SPRY2: variants seen among roughly 807,000 people sequenced by gnomAD.
SPRY2 encodes the protein protein sprouty homolog 2.
A neutral mutation model predicts 23.4 loss-of-function variants in SPRY2; 10 were observed. The ratio of observed to expected loss-of-function variants is 0.43; its 90% CI spans 0.26 to 0.73. The LOEUF (loss-of-function observed/expected upper bound fraction) is 0.73, where lower values mean the gene tolerates loss of function less well. SPRY2 is among the 30% of genes least tolerant of loss of function. The probability of loss-of-function intolerance (pLI) is 0.22; values close to 1 mark genes in which losing one functional copy is unlikely to be tolerated. For synonymous variants in SPRY2, 170 were observed against 156.9 expected (o/e 1.08, Z -0.62); for missense variants, 344 against 396.9 (o/e 0.87, Z 1.13).
rs869025336 is a variant in SPRY2, at chr13:80,337,351, G to T, written c.355C>A (p.Arg119=). ...RSISTVSSGS[R]SSTRTSTSSS... is the part of the protein sequence containing the mutation. ...CTGGTACTTGTCCTCGTACTGCTCCGCGACCCTGAGCTGACCGTGCTTATG... is the reference window on the plus strand; with the variant it reads ...CTGGTACTTGTCCTCGTACTGCTCCTCGACCCTGAGCTGACCGTGCTTATG... The change falls in exon 2 of 2, where the codon CGG becomes AGG. Residue 119 remains arginine, a synonymous_variant. Coordinates refer to ENST00000377104, the MANE Select transcript of SPRY2 (RefSeq NM_005842.4). 1 of 1,614,016 alleles carries T rather than the reference G, an allele frequency of 6.2e-7. No individual in the cohort carries two copies. Among genetic ancestry groups the T allele is most frequent in the African/African-American group, 1.3e-5 (1 of 74,908 alleles).
rs533577631 is a variant in SPRY2 at position 80,340,652 on chromosome 13, C to A, written c.-82G>T. The A allele has an allele frequency of 3.9e-5, 6 of 152,418 alleles. No homozygotes were observed. Among genetic ancestry groups the A allele is most frequent in the Admixed American group, 3.3e-4 (5 of 15,312 alleles). 9.4% of individuals were successfully genotyped at this position (152,418 alleles called of 1,614,324 possible). On this transcript the variant is annotated 5_prime_UTR_variant, in exon 1 of 2. Coordinates refer to ENST00000377104, the MANE Select transcript of SPRY2 (RefSeq NM_005842.4). ...TCGCGGCTTTGCACCAACCCCTCTC[C>A]CTTGGATTCTCTTCTTTCTGCGATG... is the stretch of plus-strand genomic sequence containing the variant.
At chr13:80,339,315 C>T (rs1880416203) in intron 1 of SPRY2, 1 of 152,184 alleles carries the variant, frequency 6.6e-6, no homozygotes, top group Admixed American at 6.5e-5. Context: ...CGACTCCACG[C>T]TGCACTGACC....
At chr13:80,338,121 C>T (rs1198067385) in intron 1 of SPRY2, among the ~76,000 whole-genome samples, 2 of 152,154 alleles carry the variant, frequency 1.3e-5, no homozygotes, top group African/African-American at 4.8e-5. Context: ...AGTTGAAAAT[C>T]CTTTCAAAAT....
Position 80,337,491 on chromosome 13 carries a change from C to G in SPRY2, c.215G>C (p.Arg72Pro). 6.2e-7 allele frequency: 1 copy of G among 1,614,124 alleles called. No individual in the cohort carries two copies. Among genetic ancestry groups the G allele is most frequent in the African/African-American group, 1.3e-5 (1 of 75,026 alleles). Residue 72 changes from arginine to proline, a missense_variant, in exon 2 of 2, where the codon CGC becomes CCC. Physicochemically the swap from Arg to Pro is moderately radical, Grantham distance 103. Coordinates refer to ENST00000377104, the MANE Select transcript of SPRY2 (RefSeq NM_005842.4). ...VPRPGLKPAPRPSTQHKHERL... is the reference protein window; with the variant it reads ...VPRPGLKPAPPPSTQHKHERL... ...CTCGTGTTTGTGCTGAGTGGAGGGG[C>G]GAGGAGCAGGCTTGAGCCCAGGTCT... is the stretch of plus-strand genomic sequence containing the variant.
chr13:80,340,806 C>G lies in SPRY2; in HGVS notation c.-236G>C, dbSNP rs1183153026. The G allele has an allele frequency of 1.3e-5, 2 of 152,266 alleles. No individual in the cohort carries two copies. The highest frequency in any genetic ancestry group is 2.1e-4 in the South Asian group (1 of 4,836). 9.4% of individuals were successfully genotyped at this position (152,266 alleles called of 1,614,324 possible). A position where few individuals can be genotyped will look rare whatever the true frequency, so the allele number is the denominator to read the frequency against. ...GCCAGATTCCCCGCTGATGAACACTCCGGGGTTCGGAGCTGGAGACGACTC... is the reference window on the plus strand; with the variant it reads ...GCCAGATTCCCCGCTGATGAACACTGCGGGGTTCGGAGCTGGAGACGACTC... On this transcript the variant is annotated 5_prime_UTR_variant, in exon 1 of 2. Coordinates refer to ENST00000377104, the MANE Select transcript of SPRY2 (RefSeq NM_005842.4).
At chr13:80,337,993 A>G (rs1880349693) in intron 1 of SPRY2, among the ~76,000 whole-genome samples, 1 of 152,190 alleles carries the variant, frequency 6.6e-6, no homozygotes. Flanking sequence ...CTGATCTTTG[A>G]GTCACTTAAG....
chr13:80,340,065 G>A (rs1246901852), intron 1 of SPRY2, among the ~76,000 whole-genome samples: 1 of 152,114 alleles, frequency 6.6e-6, no homozygotes, highest in East Asian at 1.9e-4. Context: ...ACGGAGCAGA[G>A]GCGGGCACTC....
intron 1 of SPRY2, among the ~76,000 whole-genome samples, chr13:80,340,250 G>C (rs1419361716): frequency 3.3e-5 from 5 of 152,246 alleles, no homozygotes; most frequent in Non-Finnish European, 7.3e-5. Context: ...AAGGCAACCT[G>C]GAAAATACAA....
In SPRY2 at chr13:80,337,004, C is replaced by T; in HGVS notation, c.702G>A (p.Glu234=). 6.2e-7 allele frequency: 1 copy of T among 1,614,232 alleles called. No homozygotes were observed. The highest frequency in any genetic ancestry group is 8.5e-7 in the Non-Finnish European group (1 of 1,180,048). Residue 234 remains glutamate (E), a synonymous_variant, in exon 2 of 2, where the codon GAG becomes GAA. Coordinates refer to ENST00000377104, the MANE Select transcript of SPRY2 (RefSeq NM_005842.4). ...GLFYHCSNDD[E]DNCADNPCSC... is the part of the protein sequence containing the mutation. Reference sequence around the variant, plus strand: ...AACATGGGTTGTCAGCACAGTTGTCCTCATCATCATTAGAACAGTGATAGA... The same window carrying T: ...AACATGGGTTGTCAGCACAGTTGTCTTCATCATCATTAGAACAGTGATAGA...
At chr13:80,337,836 T>G in intron 1 of SPRY2, 80 bp from the exon 2 acceptor site, 1 of 797,600 alleles carries the variant, frequency 1.3e-6, no homozygotes, top group Non-Finnish European at 2.1e-6. Context: ...ACTCCTCACT[T>G]CCCACTTTCC....
Position 80,336,142 on chromosome 13 carries a change from C to G in SPRY2, c.*616G>C, listed in dbSNP as rs943411289. On this transcript the variant is annotated 3_prime_UTR_variant, in exon 2 of 2. Coordinates refer to ENST00000377104, the MANE Select transcript of SPRY2 (RefSeq NM_005842.4). ...AATAATAAAACTTCAAATAAATATTCTTTACACTAAACAATATGTTGAAAA... is the reference window on the plus strand; with the variant it reads ...AATAATAAAACTTCAAATAAATATTGTTTACACTAAACAATATGTTGAAAA... The G allele has an allele frequency of 3.3e-5, 5 of 152,144 alleles. No individual in the cohort carries two copies. The highest frequency in any genetic ancestry group is 1.2e-4 in the African/African-American group (5 of 41,372). 9.4% of individuals were successfully genotyped at this position (152,144 alleles called of 1,614,324 possible).
At position 80,336,883 on chromosome 13, in the gene SPRY2, A is replaced by C; in HGVS notation, c.823T>G (p.Cys275Gly). The change falls in exon 2 of 2, where the codon TGC becomes GGC. Residue 275 changes from cysteine to glycine, a missense_variant. Cys to Gly is a radical substitution (Grantham distance 159, BLOSUM62 -3). Coordinates refer to ENST00000377104, the MANE Select transcript of SPRY2 (RefSeq NM_005842.4). ...CLWCYLPAKG[C>G]LKLCQGCYDR... ...TAACACCCCTGGCACAATTTAAGGC[A>C]ACCCTTGGCTGGAAGGTAACACCAT... The C allele has an allele frequency of 6.2e-7, 1 of 1,614,182 alleles. No individual in the cohort carries two copies. The highest frequency in any genetic ancestry group is 8.5e-7 in the Non-Finnish European group (1 of 1,180,050).
In SPRY2 at chr13:80,337,336, T is replaced by C. The variant is rs1880309470; in HGVS notation, c.370A>G (p.Thr124Ala). ...VSSGSRSSTR[T>A]STSSSSSEQR... ...TCAGAGGAGCTGCTGCTGGTACTTG[T>C]CCTCGTACTGCTCCGCGACCCTGAG... Residue 124 changes from threonine to alanine, a missense_variant, in exon 2 of 2, where the codon ACA becomes GCA. Physicochemically the swap from Thr to Ala is moderately conservative, Grantham distance 58 (BLOSUM62 0). Transcript: ENST00000377104. 5 of 1,614,036 alleles carry C rather than the reference T, an allele frequency of 3.1e-6. No homozygotes were observed. In the Admixed American group the frequency reaches 8.3e-5, roughly 27 times the overall value.
In SPRY2 at chr13:80,340,042, C is replaced by A. The variant is rs374942266; in HGVS notation, c.-52+580G>T. ...GGGCGACGCTCCCACCCGCTCCGGGCTAGACTGTCCACACGGAGCAGAGGC... is the reference window on the plus strand; with the variant it reads ...GGGCGACGCTCCCACCCGCTCCGGGATAGACTGTCCACACGGAGCAGAGGC... On this transcript the variant is annotated intron_variant, in intron 1 of 1. Coordinates refer to ENST00000377104, the MANE Select transcript of SPRY2 (RefSeq NM_005842.4). 2.5e-3 allele frequency among the ~76,000 whole-genome samples: 380 copies of A among 152,220 alleles called. 1 individual carries two copies. The highest frequency in any genetic ancestry group is 8.5e-3 in the African/African-American group (354 of 41,558).
chr13:80,336,748 A>G lies in SPRY2; in HGVS notation c.*10T>C. The G allele has an allele frequency of 6.2e-7, 1 of 1,612,420 alleles. No homozygotes were observed. The highest frequency in any genetic ancestry group is 1.1e-5 in the South Asian group (1 of 90,856). ...AATCCTCATTACTGTAATATTCCTG[A>G]TTAATGATGCTATGTTGGTTTTTCA... On this transcript the variant is annotated 3_prime_UTR_variant, in exon 2 of 2. Transcript: ENST00000377104.
At position 80,336,629 on chromosome 13, in the gene SPRY2, G is replaced by A. The variant is rs1416589348; in HGVS notation, c.*129C>T. On this transcript the variant is annotated 3_prime_UTR_variant, in exon 2 of 2. Transcript: ENST00000377104. ...GCACATGGACAAAAAGCATTTCACC[G>A]CAAACAGCAAAGACTATCCCACCTT... 5.0e-6 allele frequency: 5 copies of A among 1,006,648 alleles called. No individual in the cohort carries two copies. Among genetic ancestry groups the A allele is most frequent in the Non-Finnish European group, 7.5e-6 (5 of 668,336 alleles). 62.4% of individuals were successfully genotyped at this position (1,006,648 alleles called of 1,614,324 possible). A position where few individuals can be genotyped will look rare whatever the true frequency, so the allele number is the denominator to read the frequency against.
intron 1 of SPRY2, 24 bp from the exon 2 acceptor site, chr13:80,337,780 C>T (rs980004323): frequency 7.4e-6 from 10 of 1,348,658 alleles, no homozygotes; most frequent in Non-Finnish European, 1.0e-5. Flanking sequence ...GAGGAAAGAA[C>T]GGTTGATACT....
chr13:80,338,257 C>T (rs1397064074), intron 1 of SPRY2, among the ~76,000 whole-genome samples: 1 of 152,152 alleles, frequency 6.6e-6, no homozygotes, highest in Non-Finnish European at 1.5e-5. Context: ...ACGTATACGG[C>T]ATTCTGTAAC....
At position 80,336,715 on chromosome 13, in the gene SPRY2, A is replaced by G; in HGVS notation, c.*43T>C. ...GGTTGCATATGTGTATTAAAAAAAGAAAGAAAAAATCCTCATTACTGTAAT... is the reference window on the plus strand; with the variant it reads ...GGTTGCATATGTGTATTAAAAAAAGGAAGAAAAAATCCTCATTACTGTAAT... On this transcript the variant is annotated 3_prime_UTR_variant, in exon 2 of 2. Transcript: ENST00000377104. 1 of 1,570,592 alleles carries G rather than the reference A, an allele frequency of 6.4e-7. No individual in the cohort carries two copies. Among genetic ancestry groups the G allele is most frequent in the South Asian group, 1.1e-5 (1 of 87,440 alleles).
Sources: gnomAD v4.1 joint callset for allele counts (sites outside exome capture counted in the v4.1 genomes callset) on GRCh38, gnomAD v4.1.1 for gene constraint, MANE v1.5 for transcripts, NCBI Gene and HGNC (gene_info 2026-07-23, HGNC 2026-07-21) for gene names.